Variants in LRRC4C observed in about 807,000 individuals in gnomAD.
LRRC4C encodes the protein leucine rich repeat containing 4C, also known as leucine-rich repeat-containing protein 4C.
In LRRC4C, 5 loss-of-function variants were observed where a neutral mutation model predicts 33.6. The ratio of observed to expected loss-of-function variants is 0.15; its 90% CI spans 0.08 to 0.31. The LOEUF is 0.31. Among genes scored for constraint, LRRC4C ranks in the 10% least tolerant of loss-of-function variants. The pLI, the probability that LRRC4C is intolerant of heterozygous loss-of-function variation, is 1.00. For missense variants in LRRC4C, 560 were observed against 796.7 expected (o/e 0.70, Z 3.58); for synonymous variants, 329 against 302.0 (o/e 1.09, Z -0.93).
chr11:40,460,294 G>A (rs1351765730), intron 3 of LRRC4C, among the ~76,000 whole-genome samples: 1 of 151,924 alleles, frequency 6.6e-6, no homozygotes, highest in Non-Finnish European at 1.5e-5. Context: ...AAGGAACGGA[G>A]GGATTTTAAT....
intron 2 of LRRC4C, among the ~76,000 whole-genome samples, chr11:40,752,027 A>G (rs966014364): frequency 5.9e-5 from 9 of 152,242 alleles, no homozygotes; most frequent in African/African-American, 1.7e-4. Context: ...ATAAATGGTG[A>G]TGGGAAAATT....
intron 1 of LRRC4C, among the ~76,000 whole-genome samples, chr11:41,211,057 C>T (rs1013647838): frequency 1.3e-5 from 2 of 152,192 alleles, no homozygotes; most frequent in African/African-American, 4.8e-5. Flanking sequence ...GCCTGTCACA[C>T]ACCTCCTGCT....
chr11:40,760,908 AT>A (rs906218984), intron 2 of LRRC4C, among the ~76,000 whole-genome samples: 25 of 146,884 alleles, frequency 1.7e-4, no homozygotes, highest in African/African-American at 4.7e-4. Flanking sequence ...TATATTATAT[AT>A]TTTTTTTGTA....
intron 2 of LRRC4C, among the ~76,000 whole-genome samples, chr11:40,909,912 G>C (rs966674574): frequency 3.3e-5 from 5 of 152,162 alleles, no homozygotes; most frequent in African/African-American, 1.2e-4. Context: ...TAGTGTCTTA[G>C]AAAATATAAT....
At chr11:40,763,421 T>C (rs1218802757) in intron 2 of LRRC4C, among the ~76,000 whole-genome samples, 1 of 152,102 alleles carries the variant, frequency 6.6e-6, no homozygotes, top group Admixed American at 6.6e-5. Flanking sequence ...TTTCTAGTGA[T>C]CATCCCCACT....
intron 2 of LRRC4C, among the ~76,000 whole-genome samples, chr11:40,869,478 A>G (rs1954529679): frequency 6.6e-6 from 1 of 152,148 alleles, no homozygotes; most frequent in Non-Finnish European, 1.5e-5. Flanking sequence ...CAGTAGACAG[A>G]AACATCTGAA....
At chr11:40,314,273 C>G (rs1260487939) in intron 4 of LRRC4C, among the ~76,000 whole-genome samples, 1 of 151,898 alleles carries the variant, frequency 6.6e-6, no homozygotes, top group Admixed American at 6.5e-5. Context: ...AGAAGGCATA[C>G]AAATGGCCAA....
chr11:41,131,026 A>G (rs1192894112), intron 1 of LRRC4C, among the ~76,000 whole-genome samples: 1 of 152,064 alleles, frequency 6.6e-6, no homozygotes, highest in Non-Finnish European at 1.5e-5. Flanking sequence ...ATTAGTATAA[A>G]TTGTTTTAGA....
chr11:40,579,222 G>T (rs1432754959), intron 3 of LRRC4C, among the ~76,000 whole-genome samples: 2 of 151,978 alleles, frequency 1.3e-5, no homozygotes, highest in South Asian at 4.1e-4. Flanking sequence ...TGTGGTTCCA[G>T]CTACTCAAGA....
chr11:41,151,631 G>A (rs188002575), intron 1 of LRRC4C, among the ~76,000 whole-genome samples: 52 of 152,304 alleles, frequency 3.4e-4, no homozygotes, highest in Admixed American at 3.9e-4. Flanking sequence ...TAGACATGAA[G>A]TGAAGAAACT....
chr11:40,192,659 A>G (rs1861939835), intron 5 of LRRC4C, among the ~76,000 whole-genome samples: 1 of 152,162 alleles, frequency 6.6e-6, no homozygotes. Flanking sequence ...GTCTTGCTCA[A>G]TGGATCCCAC....
intron 3 of LRRC4C, among the ~76,000 whole-genome samples, chr11:40,476,349 T>TTTA: frequency 6.9e-6 from 1 of 144,084 alleles, no homozygotes; most frequent in East Asian, 2.0e-4. Context: ...CTTCTTTTTT[T>TTTA]TTTTTTTTTT....
At chr11:40,756,767 G>T (rs1948969874) in intron 2 of LRRC4C, among the ~76,000 whole-genome samples, 1 of 151,940 alleles carries the variant, frequency 6.6e-6, no homozygotes, top group Admixed American at 6.6e-5. Context: ...ATATTACCTA[G>T]AAACTGATTA....
At chr11:40,590,383 AT>A (rs1226127898) in intron 3 of LRRC4C, among the ~76,000 whole-genome samples, 1 of 144,304 alleles carries the variant, frequency 6.9e-6, no homozygotes, top group Non-Finnish European at 1.5e-5. Context: ...ATTCTTCTAA[AT>A]TTTTTTCAAA....
At chr11:40,849,445 C>A (rs900045415) in intron 2 of LRRC4C, among the ~76,000 whole-genome samples, 1 of 152,166 alleles carries the variant, frequency 6.6e-6, no homozygotes, top group Non-Finnish European at 1.5e-5. Context: ...GAATTCTTTT[C>A]TTTAAGAATG....
intron 3 of LRRC4C, among the ~76,000 whole-genome samples, chr11:40,352,267 T>A (rs532014032): frequency 1.8e-4 from 28 of 151,958 alleles, no homozygotes; most frequent in South Asian, 1.0e-3. Context: ...GTAGGTTTTT[T>A]AAATTTGATG....
intron 2 of LRRC4C, among the ~76,000 whole-genome samples, chr11:40,663,389 T>C (rs1943549940): frequency 6.6e-6 from 1 of 152,210 alleles, no homozygotes; most frequent in African/African-American, 2.4e-5. Context: ...CCAATTTATT[T>C]AGTTAGAATG....
At chr11:40,783,016 C>T (rs1036438951) in intron 2 of LRRC4C, among the ~76,000 whole-genome samples, 1 of 152,032 alleles carries the variant, frequency 6.6e-6, no homozygotes, top group Non-Finnish European at 1.5e-5. Context: ...GACATAAATA[C>T]AACAATTTTG....
chr11:41,082,079 T>C (rs1334485799), intron 1 of LRRC4C, among the ~76,000 whole-genome samples: 1 of 152,164 alleles, frequency 6.6e-6, no homozygotes, highest in East Asian at 1.9e-4. Context: ...TCTCATCCCC[T>C]GAGAAGCTGC....
Sources: gnomAD v4.1 joint callset for allele counts (sites outside exome capture counted in the v4.1 genomes callset) on GRCh38, gnomAD v4.1.1 for gene constraint, MANE v1.5 for transcripts, NCBI Gene and HGNC (gene_info 2026-07-23, HGNC 2026-07-21) for gene names.